Variants in RIF1 observed in about 807,000 individuals in gnomAD.
RIF1 encodes replication timing regulatory factor 1, also known as telomere-associated protein RIF1.
RIF1 carries 45 observed loss-of-function variants against 247.1 expected under a neutral mutation model. The observed-to-expected ratio is 0.18, with a 90% confidence interval of 0.14 to 0.23. The LOEUF (loss-of-function observed/expected upper bound fraction) is 0.23, where lower values mean the gene tolerates loss of function less well. Ranked by LOEUF, RIF1 falls within the 10% of genes least tolerant of loss-of-function variation. The pLI, the probability that RIF1 is intolerant of heterozygous loss-of-function variation, is 1.00. For synonymous variants in RIF1, 1,087 were observed against 978.8 expected (o/e 1.11, Z -2.06); for missense variants, 2,967 against 2,862.5 (o/e 1.04, Z -0.83).
intron 18 of RIF1, 107 bp from the exon 19 acceptor site, chr2:151,445,231 T>TC: frequency 1.4e-6 from 1 of 711,748 alleles, no homozygotes. Context: ...TTGAATCTCA[T>TC]CATTGGGGAA....
chr2:151,492,916 A>C, intron 9 of RIF1: 1 of 181,036 alleles, frequency 5.5e-6, no homozygotes, highest in Non-Finnish European at 1.2e-5. Context: ...CTAATATAGA[A>C]ATCAAAGTCC....
At chr2:151,468,607 C>T (rs766512155) in intron 32 of RIF1, 34 bp from the exon 33 acceptor site, 2 of 1,602,778 alleles carry the variant, frequency 1.2e-6, no homozygotes, top group Non-Finnish European at 1.7e-6. Flanking sequence ...AGTCAGTTGA[C>T]CTCTGTGTAA....
At chr2:151,449,142 C>T (rs1338747460) in intron 20 of RIF1, among the ~76,000 whole-genome samples, 5 of 152,246 alleles carry the variant, frequency 3.3e-5, no homozygotes, top group Admixed American at 6.5e-5. Context: ...CTGTTCTTCC[C>T]TCATACTTGC....
In RIF1 at chr2:151,422,996, C is replaced by T. The variant is rs1688429850; in HGVS notation, c.740C>T (p.Thr247Ile). ...AAGCTATTTATGAGTAAAAATGAGA[C>T]TTACGTGTTAAAATTATGGCCTTTG... ...LQKLFMSKNE[T>I]YVLKLWPLFV... The change falls in exon 8 of 36, where the codon ACT becomes ATT. Residue 247 changes from threonine (T) to isoleucine (I), a missense_variant. Physicochemically the swap from Thr to Ile is moderately conservative, Grantham distance 89. Around this residue, in one of 7 missense-constraint regions of RIF1, gnomAD observed 269 missense variants for 288.6 expected, o/e 0.93. Transcript: ENST00000444746. 1 of 1,599,720 alleles carries T rather than the reference C, an allele frequency of 6.3e-7. No homozygotes were observed. The highest frequency in any genetic ancestry group is 8.6e-7 in the Non-Finnish European group (1 of 1,169,224).
the RIF1 span, among the ~76,000 whole-genome samples, chr2:151,529,725 C>T: frequency 1.3e-5 from 2 of 152,060 alleles, no homozygotes; most frequent in Non-Finnish European, 1.5e-5. Context: ...GATGGGGTTT[C>T]GCCACGTTGG....
At position 151,474,852 on chromosome 2, in the gene RIF1, T is replaced by A; in HGVS notation, c.7205-5T>A. ...TTTAATTGTGGTTTTTTTTTTCTCT[T>A]TTAGATATAATTGATCCTGTTGCTT... On this transcript the variant is annotated splice_region_variant and splice_polypyrimidine_tract_variant and intron_variant, in intron 35 of 35. Coordinates refer to ENST00000444746, the MANE Select transcript of RIF1 (RefSeq NM_018151.5). The A allele has an allele frequency of 2.8e-6, 4 of 1,451,822 alleles. No homozygotes were observed. The highest frequency in any genetic ancestry group is 3.8e-6 in the Non-Finnish European group (4 of 1,041,062). 89.9% of individuals were successfully genotyped at this position (1,451,822 alleles called of 1,614,324 possible). A position where few individuals can be genotyped will look rare whatever the true frequency, so the allele number is the denominator to read the frequency against.
chr2:151,440,258 A>T (rs1692040474), intron 15 of RIF1, 131 bp downstream of exon 15: 1 of 630,214 alleles, frequency 1.6e-6, no homozygotes, highest in Non-Finnish European at 2.8e-6. Flanking sequence ...GTTTAGTCCT[A>T]TTGCAATAAG....
intron 20 of RIF1, among the ~76,000 whole-genome samples, chr2:151,447,103 C>T (rs1693432852): frequency 1.3e-5 from 2 of 151,900 alleles, no homozygotes; most frequent in Admixed American, 6.6e-5. Flanking sequence ...GCCACCACGC[C>T]CGGCTAATTT....
intron 6 of RIF1, among the ~76,000 whole-genome samples, chr2:151,419,124 A>T (rs967799818): frequency 6.6e-6 from 1 of 151,854 alleles, no homozygotes; most frequent in Non-Finnish European, 1.5e-5. Flanking sequence ...ACATGCATGG[A>T]GCTGTCATCT....
At chr2:151,418,789 C>T (rs1687649440) in intron 6 of RIF1, among the ~76,000 whole-genome samples, 1 of 151,838 alleles carries the variant, frequency 6.6e-6, no homozygotes, top group African/African-American at 2.4e-5. Context: ...CATTGAGAAT[C>T]ACTTGCACCC....
chr2:151,487,383 TTCACATGCATATATTCAAAA>T (rs1192013047), intron 9 of RIF1, among the ~76,000 whole-genome samples: 2 of 152,230 alleles, frequency 1.3e-5, no homozygotes, highest in African/African-American at 4.8e-5. Context: ...CATTTTGAAA[TTCACATGCATATATTCAAAA>T]TCACATGCAT....
chr2:151,531,823 C>T, the RIF1 span: 599 of 1,612,914 alleles, frequency 3.7e-4, 10 homozygotes, highest in South Asian at 5.3e-3. Flanking sequence ...TTTTGTAGTA[C>T]GCAGGTGTTC....
chr2:151,429,052 G>C, intron 9 of RIF1, 130 bp downstream of exon 9: 1 of 611,384 alleles, frequency 1.6e-6, no homozygotes, highest in Non-Finnish European at 2.8e-6. Context: ...TCATTTTAAG[G>C]GAACAGGAAT....
At position 151,455,056 on chromosome 2, in the gene RIF1, G is replaced by A. The variant is rs2444263; in HGVS notation, c.2506G>A (p.Gly836Ser). Reference protein sequence around the residue: ...TLFTIGNSITGIISSVLGHIS... With the variant: ...TLFTIGNSITSIISSVLGHIS... ...CTTCACTATTGGCAACTCAATCACCGGCATTATTTCCAGTGTACTTGGGCA... is the reference window on the plus strand; with the variant it reads ...CTTCACTATTGGCAACTCAATCACCAGCATTATTTCCAGTGTACTTGGGCA... Residue 836 changes from glycine to serine, a missense_variant, in exon 22 of 36, where the codon GGC becomes AGC. By Grantham distance (56) the Gly-to-Ser change is moderately conservative. This residue lies in a region of RIF1 where 2,028 missense variants were observed against 1,825.6 expected (regional missense o/e 1.11). Coordinates refer to ENST00000444746, the MANE Select transcript of RIF1 (RefSeq NM_018151.5). The A allele has an allele frequency of 0.66, 1,069,586 of 1,612,846 alleles. 357,154 individuals carry two copies. The highest frequency in any genetic ancestry group is 0.79 in the East Asian group (35,602 of 44,822).
At chr2:151,415,041 G>A (rs1007068054) in intron 4 of RIF1, 122 bp downstream of exon 4, 37 of 647,654 alleles carry the variant, frequency 5.7e-5, no homozygotes, top group East Asian at 5.1e-4. Flanking sequence ...TGTAGTTTAA[G>A]GTTTGCTTTT....
rs975935726 is a variant in RIF1 at position 151,420,177 on chromosome 2, T to G, written c.504-13T>G. On this transcript the variant is annotated splice_polypyrimidine_tract_variant and intron_variant, in intron 6 of 35. Transcript: ENST00000444746. ...GAGGTCACGCTAATTATTCATTGAT[T>G]TCTCTATTATAGGCTAATTGAACAA... 1 of 1,597,962 alleles carries G rather than the reference T, an allele frequency of 6.3e-7. No individual in the cohort carries two copies. Among genetic ancestry groups the G allele is most frequent in the Non-Finnish European group, 8.6e-7 (1 of 1,168,660 alleles).
intron 9 of RIF1, chr2:151,493,947 G>A (rs2058438522): frequency 9.2e-7 from 1 of 1,088,798 alleles, no homozygotes; most frequent in Non-Finnish European, 1.3e-6. Context: ...GGGGGGAAAT[G>A]TTATGTTTAA....
intron 1 of RIF1, 165 bp downstream of exon 1, chr2:151,410,198 C>T (rs1685898266): frequency 4.7e-6 from 3 of 637,910 alleles, no homozygotes; most frequent in African/African-American, 1.8e-5. Context: ...CGGGAGCGGG[C>T]CCAGGCCCGA....
chr2:151,492,034 C>T lies in RIF1; in HGVS notation c.*416-3195C>T, dbSNP rs1438717939. ...ATGTTTTGACTTGATGTAGGTAATG[C>T]TACTTTTGTTCTTCTACCCCCTCAC... On this transcript the variant is annotated intron_variant and NMD_transcript_variant, in intron 9 of 13. Transcript: ENST00000454583. 8 of 1,508,964 alleles carry T rather than the reference C, an allele frequency of 5.3e-6. No individual in the cohort carries two copies. The Admixed American group carries it at 8.5e-5, about 16-fold the overall frequency. The allele number at this position is 1,508,964 out of a possible 1,614,324, so 93.5% of individuals were successfully genotyped here.
Sources: allele counts gnomAD v4.1 joint callset (sites outside exome capture counted in the v4.1 genomes callset), GRCh38; gene constraint gnomAD v4.1.1; regional missense constraint gnomAD v4.1.1; transcripts MANE v1.5; gene names NCBI Gene and HGNC (gene_info 2026-07-23, HGNC 2026-07-21).